Variants in POLR3A observed in about 807,000 individuals in gnomAD.
POLR3A encodes the protein DNA-directed RNA polymerase III subunit RPC1.
POLR3A carries 112 observed loss-of-function variants against 152.8 expected under a neutral mutation model. The ratio of observed to expected loss-of-function variants is 0.73; its 90% CI spans 0.63 to 0.86. The LOEUF is 0.86. POLR3A is among the 40% of genes least tolerant of loss of function. The pLI, the probability that POLR3A is intolerant of heterozygous loss-of-function variation, is 0.00. For synonymous variants in POLR3A, 615 were observed against 652.1 expected (o/e 0.94, Z 0.87); for missense variants, 1,385 against 1,743.1 (o/e 0.79, Z 3.66).
chr10:78,009,795 C>T, intron 13 of POLR3A, 69 bp downstream of exon 13: 2 of 1,606,570 alleles, frequency 1.2e-6, no homozygotes, highest in Non-Finnish European at 1.7e-6. Context: ...CGGTTCCACT[C>T]ATTTCACCAG....
In POLR3A at chr10:77,977,091, G is replaced by T; in HGVS notation, c.*387C>A. On this transcript the variant is annotated 3_prime_UTR_variant, in exon 31 of 31. Transcript: ENST00000372371. Reference sequence around the variant, plus strand: ...GTGCCCTGGCCTGTGTGGGGCTCAGGCCTGGCTCATCGTCAGGTGTGAAGA... The same window carrying T: ...GTGCCCTGGCCTGTGTGGGGCTCAGTCCTGGCTCATCGTCAGGTGTGAAGA... 1 of 277,710 alleles carries T rather than the reference G, an allele frequency of 3.6e-6. No homozygotes were observed. Among genetic ancestry groups the T allele is most frequent in the Non-Finnish European group, 7.0e-6 (1 of 142,498 alleles). 17.2% of individuals were successfully genotyped at this position (277,710 alleles called of 1,614,324 possible).
In POLR3A at chr10:77,984,250, A is replaced by G. The variant is rs760408755; in HGVS notation, c.3291T>C (p.Tyr1097=). 6 of 1,613,552 alleles carry G rather than the reference A, an allele frequency of 3.7e-6. No individual in the cohort carries two copies. The highest frequency in any genetic ancestry group is 1.7e-4 in the Middle Eastern group (1 of 6,058). The stretch of plus-strand genomic sequence containing the variant: ...CAATTCTCCCTTTCACGAGGCGAGC[A>G]TAATCCGCGTCGTCATCCTTGTCTA... ...AQLDKDDDAD[Y]ARLVKGRIEK... is the part of the protein sequence containing the mutation. The change falls in exon 25 of 31, where the codon TAT becomes TAC. Residue 1097 remains tyrosine (Y), a synonymous_variant. Transcript: ENST00000372371.
chr10:77,980,636 AT>A (rs1358569596), intron 29 of POLR3A, among the ~76,000 whole-genome samples: 1 of 152,234 alleles, frequency 6.6e-6, no homozygotes, highest in Non-Finnish European at 1.5e-5. Context: ...AATTTAGGTA[AT>A]TCTACTCAAA....
chr10:77,996,315 G>A (rs1316696987), intron 19 of POLR3A, among the ~76,000 whole-genome samples: 1 of 152,132 alleles, frequency 6.6e-6, no homozygotes, highest in African/African-American at 2.4e-5. Context: ...TAAGATCAGA[G>A]CAGAACTGAA....
At position 78,012,067 on chromosome 10, in the gene POLR3A, T is replaced by C. The variant is rs142075237; in HGVS notation, c.1573-1527A>G. On this transcript the variant is annotated intron_variant, in intron 11 of 30. Transcript: ENST00000372371. Reference sequence around the variant, plus strand: ...TTACAAAAATAATATATGCTCATTATAGAAAATAAATCTAAGGCCAGGTGC... The same window carrying C: ...TTACAAAAATAATATATGCTCATTACAGAAAATAAATCTAAGGCCAGGTGC... Among the ~76,000 whole-genome samples the C allele has an allele frequency of 2.0e-4, 31 of 152,294 alleles. No individual in the cohort carries two copies. The East Asian group carries it at 4.3e-3, about 21-fold the overall frequency.
intron 19 of POLR3A, among the ~76,000 whole-genome samples, chr10:77,994,350 TCTGGTTTATCTACC>T (rs1011710178): frequency 2.6e-5 from 4 of 152,130 alleles, no homozygotes; most frequent in African/African-American, 9.7e-5. Flanking sequence ...CATTCACATC[TCTGGTTTATCTACC>T]CTGGTTTTCC....
intron 1 of POLR3A, 127 bp downstream of exon 1, chr10:78,029,237 C>T: frequency 2.1e-6 from 2 of 954,856 alleles, no homozygotes; most frequent in Non-Finnish European, 3.4e-6. Context: ...GCGCTGGTCA[C>T]ACCTATGGAC....
intron 15 of POLR3A, 111 bp downstream of exon 15, chr10:78,007,591 T>A (rs1026746052): frequency 3.5e-6 from 3 of 857,776 alleles, no homozygotes; most frequent in Non-Finnish European, 5.9e-6. Context: ...TCTTTTTCTG[T>A]ATGTATATGT....
At chr10:78,006,365 C>T (rs1430618598) in intron 15 of POLR3A, among the ~76,000 whole-genome samples, 5 of 138,084 alleles carry the variant, frequency 3.6e-5, no homozygotes, top group Non-Finnish European at 7.5e-5. Flanking sequence ...TCACTGCACT[C>T]CAGCCTGGCG....
Position 78,025,665 on chromosome 10 carries a change from C to G in POLR3A, c.275G>C (p.Cys92Ser), listed in dbSNP as rs200952070. The G allele has an allele frequency of 1.1e-4, 176 of 1,614,120 alleles. 1 individual carries two copies. Among genetic ancestry groups the G allele is most frequent in the Non-Finnish European group, 1.8e-5 (21 of 1,180,010 alleles). The part of the protein sequence containing the change: ...HYGYIDLELP[C>S]FHVGYFRAVI... Reference sequence around the variant, plus strand: ...TGCTCTGAAGTACCCTACATGAAAACACGGCAACTCCAGGTCGATATACCC... The same window carrying G: ...TGCTCTGAAGTACCCTACATGAAAAGACGGCAACTCCAGGTCGATATACCC... The change falls in exon 3 of 31, where the codon TGT becomes TCT. Residue 92 changes from cysteine to serine, a missense_variant. Cys to Ser is a moderately radical substitution (Grantham distance 112). Transcript: ENST00000372371.
rs544199474 is a variant in POLR3A, at chr10:78,000,265, C to T, written c.2479-147G>A. The T allele has an allele frequency of 1.8e-4, 136 of 754,768 alleles. 2 individuals carry two copies. The South Asian group carries it at 1.9e-3, about 10-fold the overall frequency. The allele number at this position is 754,768 out of a possible 1,614,324, so 46.8% of individuals were successfully genotyped here. A position where few individuals can be genotyped will look rare whatever the true frequency, so the allele number is the denominator to read the frequency against. On this transcript the variant is annotated intron_variant, in intron 18 of 30. Coordinates refer to ENST00000372371, the MANE Select transcript of POLR3A (RefSeq NM_007055.4). ...CACTAAATGGCAGGCTTTCTTTGCCCTTTCCTTATGGAGAAATACTTTATA... is the reference window on the plus strand; with the variant it reads ...CACTAAATGGCAGGCTTTCTTTGCCTTTTCCTTATGGAGAAATACTTTATA...
intron 10 of POLR3A, among the ~76,000 whole-genome samples, chr10:78,016,123 T>A (rs1847521335): frequency 6.6e-6 from 1 of 152,190 alleles, no homozygotes; most frequent in South Asian, 2.1e-4. Context: ...GTATTTCATT[T>A]CCATTTTAAA....
chr10:78,029,070 T>TTCTCC (rs1564624898), intron 1 of POLR3A, among the ~76,000 whole-genome samples: 1 of 152,072 alleles, frequency 6.6e-6, no homozygotes, highest in African/African-American at 2.4e-5. Flanking sequence ...ACAGGGATCA[T>TTCTCC]TGTATGACTT....
Position 78,002,206 on chromosome 10 carries a change from C to A in POLR3A, c.2350G>T (p.Gly784Cys). The change falls in exon 17 of 31, where the codon GGC becomes TGC. Residue 784 changes from glycine (G) to cysteine (C), a missense_variant. Physicochemically the swap from Gly to Cys is radical, Grantham distance 159. Coordinates refer to ENST00000372371, the MANE Select transcript of POLR3A (RefSeq NM_007055.4). ...AGAGGGGCATGCAGACCTTTGGAGC[C>A]GCACAGAGCCATGGTGAGGGGGCTG... ...SNSPLTMALC[G>C]SKGSFINISQ... is the part of the protein sequence containing the mutation. 6.3e-7 allele frequency: 1 copy of A among 1,582,702 alleles called. No homozygotes were observed.
At position 77,977,146 on chromosome 10, in the gene POLR3A, T is replaced by C; in HGVS notation, c.*332A>G. On this transcript the variant is annotated 3_prime_UTR_variant, in exon 31 of 31. Transcript: ENST00000372371. ...ATGGGGAGCCGATGGATGTATGCAG[T>C]GAGCTGGGATGGACCATGACACCTG... 2.7e-6 allele frequency: 1 copy of C among 366,704 alleles called. No homozygotes were observed. Among genetic ancestry groups the C allele is most frequent in the South Asian group, 2.4e-5 (1 of 41,764 alleles). 22.7% of individuals were successfully genotyped at this position (366,704 alleles called of 1,614,324 possible). A position where few individuals can be genotyped will look rare whatever the true frequency, so the allele number is the denominator to read the frequency against.
chr10:77,988,465 T>C (rs902614558), intron 21 of POLR3A, among the ~76,000 whole-genome samples: 3 of 152,064 alleles, frequency 2.0e-5, no homozygotes, highest in East Asian at 1.9e-4. Context: ...GAGGTTGCAG[T>C]GAGCCGAGAT....
chr10:78,026,749 C>T (rs1847638758), intron 1 of POLR3A, among the ~76,000 whole-genome samples: 2 of 152,252 alleles, frequency 1.3e-5, no homozygotes. Context: ...ATGCCACTCA[C>T]ATACATGTTG....
At chr10:78,004,199 A>C (rs1315270117) in intron 16 of POLR3A, among the ~76,000 whole-genome samples, 2 of 152,088 alleles carry the variant, frequency 1.3e-5, no homozygotes, top group African/African-American at 4.8e-5. Flanking sequence ...GTACCACTGC[A>C]CTCCAGCCTG....
Position 77,993,221 on chromosome 10 carries a change from A to C in POLR3A, c.2763T>G (p.Phe921Leu), listed in dbSNP as rs372404871. The C allele has an allele frequency of 6.2e-7, 1 of 1,613,686 alleles. No homozygotes were observed. The highest frequency in any genetic ancestry group is 1.3e-5 in the African/African-American group (1 of 74,928). Reference protein sequence around the residue: ...AMEGKDEPLEFKRVLDNIKAV... With the variant: ...AMEGKDEPLELKRVLDNIKAV... Reference sequence around the variant, plus strand: ...CTTTGATGTTGTCCAGAACCCTTTTAAACTCCAAAGGTTCATCTTTTCCCT... The same window carrying C: ...CTTTGATGTTGTCCAGAACCCTTTTCAACTCCAAAGGTTCATCTTTTCCCT... The change falls in exon 20 of 31, where the codon TTT becomes TTG. Residue 921 changes from phenylalanine (F) to leucine (L), a missense_variant. Physicochemically the swap from Phe to Leu is conservative, Grantham distance 22 (BLOSUM62 0). Coordinates refer to ENST00000372371, the MANE Select transcript of POLR3A (RefSeq NM_007055.4).
Sources: allele counts gnomAD v4.1 joint callset (sites outside exome capture counted in the v4.1 genomes callset), GRCh38; gene constraint gnomAD v4.1.1; transcripts MANE v1.5; gene names NCBI Gene and HGNC (gene_info 2026-07-23, HGNC 2026-07-21).